The following EML5 variants were observed in gnomAD, a reference collection of about 807,000 sequenced individuals.
EML5 encodes EMAP like 5, also known as echinoderm microtubule-associated protein-like 5.
Under a neutral mutation model 250.0 loss-of-function variants are expected in EML5, and 120 were observed. The observed-to-expected ratio is 0.48, with a 90% CI of 0.41 to 0.56. The LOEUF is 0.56. Among genes scored for constraint, EML5 ranks in the 20% least tolerant of loss-of-function variants. The pLI is 0.00. For synonymous variants in EML5, 771 were observed against 806.5 expected, an observed-to-expected ratio of 0.96 and a Z score of 0.75; for missense variants, 2,006 against 2,437.6, an observed-to-expected ratio of 0.82 and a Z score of 3.73.
intron 3 of EML5, among the ~76,000 whole-genome samples, chr14:88,745,377 C>A (rs1415356402): frequency 6.6e-6 from 1 of 151,870 alleles, no homozygotes; most frequent in South Asian, 2.1e-4. Context: ...AAATTAGACA[C>A]TTTTAGGAGT....
intron 14 of EML5, among the ~76,000 whole-genome samples, chr14:88,697,364 G>C (rs1272759432): frequency 6.6e-6 from 1 of 152,172 alleles, no homozygotes; most frequent in Non-Finnish European, 1.5e-5. Flanking sequence ...ACATGAAAAG[G>C]CTGTGCAGAA....
At chr14:88,726,483 C>T in intron 8 of EML5, 58 bp downstream of exon 8, 1 of 1,439,172 alleles carries the variant, frequency 6.9e-7, no homozygotes, top group Non-Finnish European at 9.4e-7. Flanking sequence ...GAGAAAATTA[C>T]TTATATTCTG....
At chr14:88,747,707 C>CA (rs1367567021) in intron 2 of EML5, among the ~76,000 whole-genome samples, 2 of 151,680 alleles carry the variant, frequency 1.3e-5, no homozygotes, top group Admixed American at 6.6e-5. Flanking sequence ...CTTCCAGAAA[C>CA]AAAAAATAAA....
chr14:88,728,591 T>A (rs2093703421), intron 7 of EML5, among the ~76,000 whole-genome samples: 1 of 152,148 alleles, frequency 6.6e-6, no homozygotes, highest in South Asian at 2.1e-4. Flanking sequence ...AAAGTCTACA[T>A]CCTCATCATC....
At chr14:88,659,138 C>G (rs952269884) in intron 25 of EML5, among the ~76,000 whole-genome samples, 2 of 152,034 alleles carry the variant, frequency 1.3e-5, no homozygotes, top group Non-Finnish European at 2.9e-5. Context: ...CATCATAAAG[C>G]AGGTTTTCCG....
chr14:88,654,203 T>C (rs1181640886), intron 27 of EML5, among the ~76,000 whole-genome samples: 2 of 152,182 alleles, frequency 1.3e-5, no homozygotes, highest in Non-Finnish European at 2.9e-5. Context: ...TAGCAGTCTA[T>C]CTATTTTGTC....
At chr14:88,696,322 G>A (rs2093078150) in intron 15 of EML5, among the ~76,000 whole-genome samples, 1 of 151,846 alleles carries the variant, frequency 6.6e-6, no homozygotes, top group Non-Finnish European at 1.5e-5. Flanking sequence ...AGCTTTCACC[G>A]TAGATCTATC....
chr14:88,693,644 C>T (rs1199589917), intron 17 of EML5, among the ~76,000 whole-genome samples: 1 of 151,560 alleles, frequency 6.6e-6, no homozygotes, highest in Non-Finnish European at 1.5e-5. Context: ...ATCAATACAA[C>T]AGTAAATTAC....
chr14:88,695,469 T>C lies in EML5; in HGVS notation c.2345-15A>G. Reference sequence around the variant, plus strand: ...TTTCCCATCCGCTGTGGAAAATTAATGAGAGAGATAAACTGACTATTAACA... The same window carrying C: ...TTTCCCATCCGCTGTGGAAAATTAACGAGAGAGATAAACTGACTATTAACA... On this transcript the variant is annotated splice_polypyrimidine_tract_variant and intron_variant, in intron 15 of 43. Transcript: ENST00000554922. The C allele has an allele frequency of 6.2e-7, 1 of 1,604,432 alleles. No individual in the cohort carries two copies.
At chr14:88,684,416 C>T (rs950723652) in intron 20 of EML5, among the ~76,000 whole-genome samples, 2 of 138,998 alleles carry the variant, frequency 1.4e-5, no homozygotes, top group African/African-American at 2.8e-5. Context: ...GTGATCCGCC[C>T]GCCTCGGCCT....
At chr14:88,706,891 T>C (rs987500079) in intron 10 of EML5, among the ~76,000 whole-genome samples, 2 of 152,224 alleles carry the variant, frequency 1.3e-5, no homozygotes, top group African/African-American at 2.4e-5. Context: ...ATGAGATTTA[T>C]GCCAGGAATG....
rs1330605755 is a variant in EML5 at position 88,661,844 on chromosome 14, AC to A, written c.3499-15del. On this transcript the variant is annotated splice_polypyrimidine_tract_variant and intron_variant, in intron 24 of 43. Coordinates refer to ENST00000554922, the MANE Select transcript of EML5 (RefSeq NM_183387.3). ...AATTTTTTCTACCTAAAAATGAAAA[AC>A]AATGCTGTAAGTTTGGATTATCCAA... 1.9e-6 allele frequency: 3 copies of A among 1,601,102 alleles called. No homozygotes were observed. In the African/African-American group the frequency reaches 4.0e-5, roughly 21 times the overall value.
chr14:88,737,014 C>T (rs926130104), intron 6 of EML5, among the ~76,000 whole-genome samples: 1 of 152,122 alleles, frequency 6.6e-6, no homozygotes, highest in Non-Finnish European at 1.5e-5. Context: ...CACCCCATCT[C>T]GGGTACCCTC....
At chr14:88,624,805 T>C (rs963901238) in intron 36 of EML5, 165 bp downstream of exon 36, 6 of 778,086 alleles carry the variant, frequency 7.7e-6, no homozygotes, top group Non-Finnish European at 1.2e-5. Flanking sequence ...AGACCAGAAA[T>C]GAGAATCAAA....
At chr14:88,663,731 C>T (rs116539882) in intron 23 of EML5, among the ~76,000 whole-genome samples, 2,705 of 150,518 alleles carry the variant, frequency 0.018, 90 homozygotes, top group African/African-American at 0.062. Flanking sequence ...AATGGGGTCT[C>T]ACTGTGTTGC....
chr14:88,771,809 G>A (rs935047996), intron 1 of EML5, among the ~76,000 whole-genome samples: 1 of 152,134 alleles, frequency 6.6e-6, no homozygotes, highest in Non-Finnish European at 1.5e-5. Context: ...TAGGCTTCCT[G>A]ACTTCACAGT....
At position 88,792,505 on chromosome 14, in the gene EML5, T is replaced by A; in HGVS notation, c.-2A>T. 2 of 1,374,716 alleles carry A rather than the reference T, an allele frequency of 1.5e-6. No homozygotes were observed. Among genetic ancestry groups the A allele is most frequent in the African/African-American group, 1.5e-5 (1 of 67,148 alleles). 85.2% of individuals were successfully genotyped at this position (1,374,716 alleles called of 1,614,324 possible). On this transcript the variant is annotated 5_prime_UTR_variant, in exon 1 of 44. Transcript: ENST00000554922. This position sits in a 1 kb window ranked among gnomAD's most constrained non-coding sequence, Gnocchi z 6.9. ...GCTCGGGGCGCTCCGGGCCGCCATG[T>A]CGGGGCGCCCACCCGCCGCTCCCGC...
chr14:88,682,085 A>G lies in EML5; in HGVS notation c.2983-54T>C, dbSNP rs1395979827. 2.9e-5 allele frequency: 41 copies of G among 1,419,064 alleles called. No homozygotes were observed. The Admixed American group carries it at 3.1e-4, about 11-fold the overall frequency. The allele number at this position is 1,419,064 out of a possible 1,614,324, so 87.9% of individuals were successfully genotyped here. On this transcript the variant is annotated intron_variant, in intron 20 of 43. Coordinates refer to ENST00000554922, the MANE Select transcript of EML5 (RefSeq NM_183387.3). ...TGTATGTGTGTGTATATTTATACAC[A>G]GTTTTATTTAGAATAAAGCTAAAGA...
intron 1 of EML5, among the ~76,000 whole-genome samples, chr14:88,780,288 C>T (rs1446398697): frequency 3.3e-5 from 5 of 152,290 alleles, no homozygotes; most frequent in Admixed American, 3.3e-4. Context: ...GAGGTATTGA[C>T]TGTCTTTGTT....
Sources: gnomAD v4.1 joint callset for allele counts (sites outside exome capture counted in the v4.1 genomes callset) on GRCh38, gnomAD v4.1.1 for gene constraint, Gnocchi (gnomAD v3.1) non-coding constraint, MANE v1.5 for transcripts, NCBI Gene and HGNC (gene_info 2026-07-23, HGNC 2026-07-21) for gene names.